Variants in EDARADD observed in about 807,000 individuals in gnomAD.
EDARADD encodes the protein ectodysplasin-A receptor-associated adapter protein.
A neutral mutation model predicts 25.6 loss-of-function variants in EDARADD; 20 were observed. That is an observed-to-expected ratio of 0.78 (90% CI 0.55 to 1.14). The LOEUF is 1.14. Among genes scored for constraint, EDARADD ranks in the 50% most tolerant of loss-of-function variants. EDARADD has a pLI of 0.00. For synonymous variants in EDARADD, 86 were observed against 94.4 expected (o/e 0.91, Z 0.52); for missense variants, 225 against 270.1 (o/e 0.83, Z 1.17).
At chr1:236,410,256 C>A (rs13373837) in intron 2 of EDARADD, among the ~76,000 whole-genome samples, 4 of 152,050 alleles carry the variant, frequency 2.6e-5, no homozygotes, top group Admixed American at 1.3e-4. Flanking sequence ...CACCCTCCCC[C>A]CTTTTGGAGT....
intron 3 of EDARADD, 82 bp downstream of exon 3, chr1:236,414,381 TATTTA>T: frequency 8.7e-7 from 1 of 1,155,556 alleles, no homozygotes; most frequent in Non-Finnish European, 1.3e-6. Context: ...AATTTTTCAT[TATTTA>T]AAATTGTAAA....
rs72215388 is a variant in EDARADD, at chr1:236,480,096, CATATATAT to C, written c.266-2138_266-2131del. Among the ~76,000 whole-genome samples the C allele has an allele frequency of 4.5e-3, 349 of 77,850 alleles. 3 individuals are homozygous for C. Among genetic ancestry groups the C allele is most frequent in the East Asian group, 5.5e-3 (9 of 1,638 alleles). 51.1% of individuals were successfully genotyped at this position (77,850 alleles called of 152,430 possible). On this transcript the variant is annotated intron_variant, in intron 5 of 5. Coordinates refer to ENST00000334232, the MANE Select transcript of EDARADD (RefSeq NM_145861.4). ...ATCTCAGTGTGCCTTTTAAGTATGC[CATATATAT>C]ATATATATATATATATATATATATA...
At chr1:236,355,497 CTTCTTTTTTTT>C (rs1254408098) in intron 3 of EDARADD, among the ~76,000 whole-genome samples, 9 of 85,914 alleles carry the variant, frequency 1.0e-4, no homozygotes, top group African/African-American at 3.6e-4. Flanking sequence ...TCTGCTTCTT[CTTCTTTTTTTT>C]TTTTTTTTTT....
chr1:236,456,557 T>C (rs1658869982), intron 4 of EDARADD, among the ~76,000 whole-genome samples: 2 of 152,186 alleles, frequency 1.3e-5, no homozygotes, highest in Admixed American at 6.5e-5. Context: ...TTCTCTAGAC[T>C]GAACTTTATC....
intron 4 of EDARADD, among the ~76,000 whole-genome samples, chr1:236,434,151 C>T (rs983663198): frequency 2.0e-5 from 3 of 152,202 alleles, no homozygotes; most frequent in South Asian, 2.1e-4. Flanking sequence ...CTTGTCCAAC[C>T]CATGGCCTGC....
intron 2 of EDARADD, among the ~76,000 whole-genome samples, chr1:236,411,937 T>A (rs1657498495): frequency 6.6e-6 from 1 of 152,186 alleles, no homozygotes; most frequent in Non-Finnish European, 1.5e-5. Context: ...ACAACTACCC[T>A]ATTTCCAAAT....
upstream of EDARADD, among the ~76,000 whole-genome samples, chr1:236,394,008 A>AG (rs1426627249): frequency 1.7e-5 from 1 of 60,062 alleles, no homozygotes; most frequent in Non-Finnish European, 4.5e-5. Flanking sequence ...CTTAAAAAAA[A>AG]AAACCCTTAA....
At chr1:236,403,353 T>A (rs1667649442) in intron 1 of EDARADD, among the ~76,000 whole-genome samples, 1 of 152,158 alleles carries the variant, frequency 6.6e-6, no homozygotes, top group Admixed American at 6.6e-5. Flanking sequence ...AGTGGCGTGA[T>A]CTCGACTCAC....
intron 5 of EDARADD, 55 bp downstream of exon 5, chr1:236,468,331 A>G: frequency 3.2e-6 from 5 of 1,580,942 alleles, no homozygotes; most frequent in Non-Finnish European, 4.3e-6. Context: ...GCTGAATAAA[A>G]GATAATTTGA....
chr1:236,462,600 ATCTCAGGTGTAAATCT>A (rs1344082433), intron 4 of EDARADD, among the ~76,000 whole-genome samples: 13 of 151,856 alleles, frequency 8.6e-5, no homozygotes, highest in Admixed American at 7.9e-4. Flanking sequence ...CTGATATTAA[ATCTCAGGTGTAAATCT>A]TCAGAGGCAA....
chr1:236,403,374 G>A (rs550908896), intron 1 of EDARADD, among the ~76,000 whole-genome samples: 78 of 152,160 alleles, frequency 5.1e-4, no homozygotes, highest in African/African-American at 1.9e-3. Flanking sequence ...TGCAACCTCC[G>A]CCTTCCGGGC....
At chr1:236,475,759 C>T (rs56052341) in intron 5 of EDARADD, among the ~76,000 whole-genome samples, 3,548 of 150,698 alleles carry the variant, frequency 0.024, 60 homozygotes, top group Admixed American at 0.039. Context: ...GGCAAGACTC[C>T]GTCTCAAAAA....
At position 236,431,188 on chromosome 1, in the gene EDARADD, T is replaced by G. The variant is rs1260095718; in HGVS notation, c.219+3738T>G. The stretch of plus-strand genomic sequence containing the variant: ...CTTTAGAATAATTATTATCTGCCTT[T>G]TTAGTGATTTTTATAATTTAAGACT... On this transcript the variant is annotated intron_variant, in intron 4 of 5. Coordinates refer to ENST00000334232, the MANE Select transcript of EDARADD (RefSeq NM_145861.4). Among the ~76,000 whole-genome samples the G allele has an allele frequency of 2.0e-5, 3 of 152,210 alleles. No individual in the cohort carries two copies. In the East Asian group the frequency reaches 5.8e-4, roughly 29 times the overall value.
chr1:236,349,496 T>C (rs968935902), intron 2 of EDARADD, among the ~76,000 whole-genome samples: 2 of 149,748 alleles, frequency 1.3e-5, no homozygotes, highest in Non-Finnish European at 3.0e-5. Flanking sequence ...ATTTAAGAAA[T>C]ACATTGGTTT....
rs149440020 is a variant in EDARADD at position 236,446,797 on chromosome 1, A to G, written c.219+19347A>G. ...GGTCAAAAAGTTGAAAGAGCCCTGC[A>G]CTAGACTGTGAGTTGCTTAAGGACA... On this transcript the variant is annotated intron_variant, in intron 4 of 5. Coordinates refer to ENST00000334232, the MANE Select transcript of EDARADD (RefSeq NM_145861.4). Among the ~76,000 whole-genome samples, 519 of 152,348 alleles carry G rather than the reference A, an allele frequency of 3.4e-3. 4 individuals carry two copies. The highest frequency in any genetic ancestry group is 0.012 in the African/African-American group (491 of 41,584).
At chr1:236,453,005 C>G (rs1050029611) in intron 4 of EDARADD, among the ~76,000 whole-genome samples, 8 of 152,168 alleles carry the variant, frequency 5.3e-5, no homozygotes, top group African/African-American at 1.9e-4. Context: ...GTACTTGCCC[C>G]CCACTCCCAC....
chr1:236,355,188 A>G (rs663421), intron 3 of EDARADD, among the ~76,000 whole-genome samples: 51,975 of 152,066 alleles, frequency 0.34, 9,127 homozygotes, highest in African/African-American at 0.42. Context: ...TACATTCAGT[A>G]TATCTGAATT....
rs1243620851 is a variant in EDARADD, at chr1:236,467,023, G to A, written c.220-1208G>A. ...CGGAGATGCAGTGAGCCGAGATTGT[G>A]CCACTGCACTCCAGCCTGGGCGACA... is the stretch of plus-strand genomic sequence containing the variant. On this transcript the variant is annotated intron_variant, in intron 4 of 5. Transcript: ENST00000334232. Among the ~76,000 whole-genome samples the A allele has an allele frequency of 5.9e-5, 9 of 151,952 alleles. No homozygotes were observed. The South Asian group carries it at 1.7e-3, about 28-fold the overall frequency.
At chr1:236,412,036 C>CAGG (rs1212129157) in intron 2 of EDARADD, among the ~76,000 whole-genome samples, 4 of 152,164 alleles carry the variant, frequency 2.6e-5, no homozygotes, top group Non-Finnish European at 5.9e-5. Context: ...CCGCTGGGTA[C>CAGG]AGGATTTAGT....
Sources: allele counts gnomAD v4.1 joint callset (sites outside exome capture counted in the v4.1 genomes callset), GRCh38; gene constraint gnomAD v4.1.1; transcripts MANE v1.5; gene names NCBI Gene and HGNC (gene_info 2026-07-23, HGNC 2026-07-21).